The following FGF12 variants were observed in gnomAD, a reference collection of about 807,000 sequenced individuals.
FGF12 encodes the protein fibroblast growth factor 12.
In FGF12, 14 loss-of-function variants were observed where a neutral mutation model predicts 23.6. That is an observed-to-expected ratio of 0.59 (90% CI 0.39 to 0.93). The LOEUF (loss-of-function observed/expected upper bound fraction) is 0.93. Among genes scored for constraint, FGF12 ranks in the 40% least tolerant of loss-of-function variants. The pLI is 0.00. For synonymous variants in FGF12, 62 were observed against 77.3 expected (o/e 0.80, Z 1.04); for missense variants, 175 against 217.8 (o/e 0.80, Z 1.24).
intron 2 of FGF12, among the ~76,000 whole-genome samples, chr3:192,636,629 G>A (rs563813670): frequency 1.3e-5 from 2 of 152,244 alleles, no homozygotes; most frequent in South Asian, 4.1e-4. Flanking sequence ...ATCAGAATTG[G>A]TGCAGAGTTT....
Position 192,609,293 on chromosome 3 carries a change from A to C in FGF12, c.13+117888T>G, listed in dbSNP as rs181241851. On this transcript the variant is annotated intron_variant, in intron 2 of 5. Coordinates refer to ENST00000445105, the MANE Select transcript of FGF12 (RefSeq NM_004113.6). ...ATACAACACAGATTTTCCTGAAGCC[A>C]ATCATAAACGGGGGGTGAAGCGTGT... Among the ~76,000 whole-genome samples, 95 of 152,208 alleles carry C rather than the reference A, an allele frequency of 6.2e-4. 1 individual carries two copies. The East Asian group carries it at 0.012, about 19-fold the overall frequency.
intron 2 of FGF12, among the ~76,000 whole-genome samples, chr3:192,586,318 C>T (rs1713372227): frequency 6.6e-6 from 1 of 152,172 alleles, no homozygotes; most frequent in Non-Finnish European, 1.5e-5. Context: ...CTCTGGATTC[C>T]TGCTTATGAG....
At chr3:192,248,931 C>A (rs1423358551) in intron 4 of FGF12, among the ~76,000 whole-genome samples, 5 of 152,176 alleles carry the variant, frequency 3.3e-5, no homozygotes, top group African/African-American at 1.2e-4. Flanking sequence ...CCATTACAAT[C>A]AGTGATTATT....
At chr3:192,240,545 T>A (rs1003591412) in intron 4 of FGF12, among the ~76,000 whole-genome samples, 2 of 152,164 alleles carry the variant, frequency 1.3e-5, no homozygotes, top group African/African-American at 4.8e-5. Flanking sequence ...TAAAAAGACA[T>A]CAGAAGTAGT....
chr3:192,262,558 T>C (rs1032403747), intron 4 of FGF12, among the ~76,000 whole-genome samples: 4 of 152,250 alleles, frequency 2.6e-5, no homozygotes, highest in Non-Finnish European at 5.9e-5. Context: ...CCTTTCTAGG[T>C]TTAGATACAC....
chr3:192,160,288 T>C (rs962755515), intron 5 of FGF12, among the ~76,000 whole-genome samples: 27 of 152,106 alleles, frequency 1.8e-4, no homozygotes, highest in African/African-American at 6.3e-4. Flanking sequence ...AAGCCCTCAA[T>C]TTATAGTCTT....
At chr3:192,240,425 C>T (rs944449122) in intron 4 of FGF12, among the ~76,000 whole-genome samples, 2 of 151,932 alleles carry the variant, frequency 1.3e-5, no homozygotes, top group African/African-American at 4.8e-5. Flanking sequence ...TATTTTTTTG[C>T]TCTGAAAACC....
intron 2 of FGF12, among the ~76,000 whole-genome samples, chr3:192,633,748 G>A (rs1715482113): frequency 1.3e-5 from 2 of 152,122 alleles, no homozygotes; most frequent in Non-Finnish European, 2.9e-5. Context: ...CCTATATGGA[G>A]GCTCAACTCC....
intron 2 of FGF12, among the ~76,000 whole-genome samples, chr3:192,401,340 C>G (rs1184898147): frequency 6.6e-6 from 1 of 152,170 alleles, no homozygotes; most frequent in African/African-American, 2.4e-5. Context: ...ATTTTTAGTA[C>G]CTTTTACAGA....
chr3:192,340,147 T>C (rs1717623104), intron 3 of FGF12, among the ~76,000 whole-genome samples: 2 of 152,122 alleles, frequency 1.3e-5, no homozygotes, highest in South Asian at 4.2e-4. Context: ...CTGCTTGGAA[T>C]GTCACTCTCC....
chr3:192,294,586 G>A (rs1460676546), intron 4 of FGF12, among the ~76,000 whole-genome samples: 1 of 152,146 alleles, frequency 6.6e-6, no homozygotes, highest in Non-Finnish European at 1.5e-5. Context: ...TCATATAAAA[G>A]CAGAATAATT....
At chr3:192,673,339 C>T (rs1161642204) in intron 2 of FGF12, 1 of 150,910 alleles carries the variant, frequency 6.6e-6, no homozygotes, top group East Asian at 1.9e-4. Flanking sequence ...ATAAATTGCC[C>T]ACATCCATAA....
chr3:192,200,867 A>G (rs1717331267), intron 4 of FGF12, among the ~76,000 whole-genome samples: 1 of 152,108 alleles, frequency 6.6e-6, no homozygotes, highest in South Asian at 2.1e-4. Context: ...GATTAGTAAT[A>G]GGCTCCCATT....
At chr3:192,213,907 G>A (rs1173359241) in intron 4 of FGF12, among the ~76,000 whole-genome samples, 1 of 152,218 alleles carries the variant, frequency 6.6e-6, no homozygotes, top group East Asian at 1.9e-4. Flanking sequence ...GCATTTGACT[G>A]TGAGTGAGCT....
chr3:192,522,559 C>T (rs1356353211), intron 2 of FGF12, among the ~76,000 whole-genome samples: 1 of 152,172 alleles, frequency 6.6e-6, no homozygotes, highest in East Asian at 1.9e-4. Flanking sequence ...AACCTTCAAA[C>T]TTTAAAAAGC....
rs112627393 is a variant in FGF12 at position 192,146,694 on chromosome 3, G to C, written c.428-2567C>G. Among the ~76,000 whole-genome samples the C allele has an allele frequency of 7.6e-3, 1,140 of 150,348 alleles. 16 individuals carry two copies. Among genetic ancestry groups the C allele is most frequent in the African/African-American group, 0.026 (1,069 of 41,018 alleles). ...GGACTTTTATCTTTTTTTTTGTTTT[G>C]TTTTCTATTTCTCACTTGCACATAA... is the stretch of plus-strand genomic sequence containing the variant. On this transcript the variant is annotated intron_variant, in intron 5 of 5. Coordinates refer to ENST00000445105, the MANE Select transcript of FGF12 (RefSeq NM_004113.6).
At chr3:192,477,471 A>G (rs1018754273) in intron 2 of FGF12, among the ~76,000 whole-genome samples, 2 of 152,252 alleles carry the variant, frequency 1.3e-5, no homozygotes, top group African/African-American at 4.8e-5. Flanking sequence ...AGTTACCTGT[A>G]TTAAGATAAA....
intron 5 of FGF12, among the ~76,000 whole-genome samples, chr3:192,158,541 G>A (rs1447643672): frequency 1.0e-4 from 5 of 50,236 alleles, no homozygotes; most frequent in Admixed American, 2.8e-4. Context: ...CCTTCCTCCC[G>A]CCCTCCCTCT....
chr3:192,355,444 A>T (rs1353035873), intron 3 of FGF12, among the ~76,000 whole-genome samples: 1 of 152,244 alleles, frequency 6.6e-6, no homozygotes, highest in Non-Finnish European at 1.5e-5. Flanking sequence ...GAATGTGCCC[A>T]GGTGGCAATG....
Sources: allele counts gnomAD v4.1 joint callset (sites outside exome capture counted in the v4.1 genomes callset), GRCh38; gene constraint gnomAD v4.1.1; transcripts MANE v1.5; gene names NCBI Gene and HGNC (gene_info 2026-07-23, HGNC 2026-07-21).